CEP162: variants seen among roughly 807,000 people sequenced by gnomAD.
The protein encoded by CEP162 is centrosomal protein 162.
In CEP162, 141 loss-of-function variants were observed where a neutral mutation model predicts 169.2. That is an observed-to-expected ratio of 0.83 (90% confidence interval 0.73 to 0.96). CEP162 has a LOEUF of 0.96. Ranked by LOEUF, CEP162 falls within the 40% of genes least tolerant of loss-of-function variation. CEP162 has a pLI of 0.00. For missense variants in CEP162, 1,600 were observed against 1,587.2 expected (o/e 1.01, Z -0.14); for synonymous variants, 540 against 526.4 (o/e 1.03, Z -0.35).
chr6:84,178,921 T>G (rs999824766), intron 13 of CEP162, among the ~76,000 whole-genome samples: 1 of 152,208 alleles, frequency 6.6e-6, no homozygotes, highest in Non-Finnish European at 1.5e-5. Flanking sequence ...TTTGGTTTTT[T>G]GTCCTTGCGA....
At chr6:84,164,518 A>G (rs1269656314) in intron 18 of CEP162, among the ~76,000 whole-genome samples, 1 of 152,232 alleles carries the variant, frequency 6.6e-6, no homozygotes, top group East Asian at 1.9e-4. Flanking sequence ...ATGCAGCCAT[A>G]AAAAGGAATG....
intron 24 of CEP162, among the ~76,000 whole-genome samples, chr6:84,147,917 T>C (rs1399396053): frequency 6.6e-6 from 1 of 152,152 alleles, no homozygotes; most frequent in African/African-American, 2.4e-5. Flanking sequence ...TTATCTCTAA[T>C]GCTGTATTTT....
At chr6:84,162,636 C>T (rs1253864424) in intron 19 of CEP162, among the ~76,000 whole-genome samples, 1 of 152,132 alleles carries the variant, frequency 6.6e-6, no homozygotes, top group Non-Finnish European at 1.5e-5. Context: ...GCCACTCTGC[C>T]ACGAAACCCT....
intron 6 of CEP162, among the ~76,000 whole-genome samples, chr6:84,207,564 T>C (rs1213506484): frequency 3.8e-5 from 3 of 77,992 alleles, no homozygotes; most frequent in Non-Finnish European, 7.2e-5. Flanking sequence ...CTGAGGACTG[T>C]CATGGGGCGG....
intron 20 of CEP162, 124 bp downstream of exon 20, chr6:84,161,622 C>T (rs553723961): frequency 2.3e-5 from 17 of 737,650 alleles, no homozygotes; most frequent in African/African-American, 1.4e-4. Flanking sequence ...AGCAAACCAC[C>T]GATCTTAATT....
chr6:84,140,179 TTC>T (rs1219457656), intron 25 of CEP162, among the ~76,000 whole-genome samples: 8 of 152,158 alleles, frequency 5.3e-5, no homozygotes, highest in African/African-American at 1.9e-4. Flanking sequence ...ACAAGTGGTG[TTC>T]TCTTTGTTTG....
At chr6:84,191,857 G>A (rs977525448) in intron 11 of CEP162, among the ~76,000 whole-genome samples, 2 of 152,122 alleles carry the variant, frequency 1.3e-5, no homozygotes, top group Admixed American at 6.5e-5. Flanking sequence ...AGAAACAAAC[G>A]ACATTTCACA....
At chr6:84,179,053 T>G (rs1311153864) in intron 13 of CEP162, among the ~76,000 whole-genome samples, 4 of 152,214 alleles carry the variant, frequency 2.6e-5, no homozygotes, top group Non-Finnish European at 4.4e-5. Flanking sequence ...CTTAATCCAG[T>G]CTATCATTGA....
intron 20 of CEP162, among the ~76,000 whole-genome samples, chr6:84,161,129 C>T (rs2099525588): frequency 6.6e-6 from 1 of 152,024 alleles, no homozygotes; most frequent in Non-Finnish European, 1.5e-5. Context: ...AAACTAAGTC[C>T]CTGCTCCCAA....
rs962750553 is a variant in CEP162 at position 84,152,715 on chromosome 6, G to A, written c.3459C>T (p.Thr1153=). ...GTGGTTGGTACAGCTTGCTGTCCAG[G>A]GTTCCAGGGAAGGAGTTAGCATTTC... ...SKGNANSFPG[T]LDSKLYQPHT... The change falls in exon 23 of 27, where the codon ACC becomes ACT. Residue 1153 remains threonine, a synonymous_variant. Coordinates refer to ENST00000403245, the MANE Select transcript of CEP162 (RefSeq NM_014895.4). The A allele has an allele frequency of 1.9e-6, 3 of 1,613,034 alleles. No individual in the cohort carries two copies. In the African/African-American group the frequency reaches 4.0e-5, roughly 22 times the overall value.
intron 24 of CEP162, among the ~76,000 whole-genome samples, chr6:84,149,198 G>C (rs535874428): frequency 6.6e-6 from 1 of 152,046 alleles, no homozygotes; most frequent in African/African-American, 2.4e-5. Context: ...GCTGGGACTT[G>C]GGGACTCGGT....
chr6:84,203,261 T>C (rs2099545372), intron 7 of CEP162, among the ~76,000 whole-genome samples: 1 of 152,168 alleles, frequency 6.6e-6, no homozygotes, highest in African/African-American at 2.4e-5. Context: ...GCCAAGTAAG[T>C]TTCAGACGTT....
chr6:84,124,844 C>A lies in CEP162; in HGVS notation c.*226G>T. ...CCTTCTCTGCTATAAAGGAAACTGTCCATAAATCACTTAAAATGAGACTGG... is the reference window on the plus strand; with the variant it reads ...CCTTCTCTGCTATAAAGGAAACTGTACATAAATCACTTAAAATGAGACTGG... On this transcript the variant is annotated 3_prime_UTR_variant, in exon 27 of 27. Transcript: ENST00000403245. 1 of 538,480 alleles carries A rather than the reference C, an allele frequency of 1.9e-6. No homozygotes were observed. The highest frequency in any genetic ancestry group is 3.2e-6 in the Non-Finnish European group (1 of 311,212). The allele number at this position is 538,480 out of a possible 1,614,324, so 33.4% of individuals were successfully genotyped here.
rs2099521719 is a variant in CEP162 at position 84,152,979 on chromosome 6, A to G, written c.3195T>C (p.Asp1065=). The G allele has an allele frequency of 6.2e-7, 1 of 1,613,572 alleles. No homozygotes were observed. Among genetic ancestry groups the G allele is most frequent in the African/African-American group, 1.3e-5 (1 of 74,990 alleles). The change falls in exon 23 of 27, where the codon GAT becomes GAC. Residue 1065 remains aspartate, a synonymous_variant. Coordinates refer to ENST00000403245, the MANE Select transcript of CEP162 (RefSeq NM_014895.4). ...TAGACTGAAAATCTTCATCATCTTT[A>G]TCATTTTTCTTGACGTCTAATTCAG... ...QNAELDVKKN[D]KDDEDFQSIE... is the part of the protein sequence containing the mutation.
intron 23 of CEP162, among the ~76,000 whole-genome samples, chr6:84,151,619 C>T (rs1180756860): frequency 6.6e-6 from 1 of 152,006 alleles, no homozygotes; most frequent in Non-Finnish European, 1.5e-5. Flanking sequence ...AGTTTAGCAA[C>T]AGAGAAAGAA....
chr6:84,163,023 TA>T, intron 19 of CEP162, 120 bp downstream of exon 19: 2 of 971,214 alleles, frequency 2.1e-6, no homozygotes, highest in Non-Finnish European at 3.0e-6. Flanking sequence ...AAAATGTTTC[TA>T]AAATTACAAT....
At chr6:84,213,551 C>A (rs1387537266) in intron 5 of CEP162, among the ~76,000 whole-genome samples, 1 of 152,166 alleles carries the variant, frequency 6.6e-6, no homozygotes, top group Admixed American at 6.6e-5. Context: ...AGTTCATATA[C>A]TGCTTTCTCT....
chr6:84,190,762 G>A (rs540744842), intron 11 of CEP162, among the ~76,000 whole-genome samples: 3 of 152,222 alleles, frequency 2.0e-5, no homozygotes, highest in African/African-American at 4.8e-5. Context: ...GCGAGCGTCC[G>A]CGGCTTCATT....
rs374584686 is a variant in CEP162, at chr6:84,221,146, G to A, written c.83C>T (p.Ser28Leu). The change falls in exon 3 of 27, where the codon TCA becomes TTA. Residue 28 changes from serine to leucine, a missense_variant. Physicochemically the swap from Ser to Leu is moderately radical, Grantham distance 145. Coordinates refer to ENST00000403245, the MANE Select transcript of CEP162 (RefSeq NM_014895.4). The stretch of plus-strand genomic sequence containing the variant: ...TTTAGATTGTCTAGCTGTTTTGTCT[G>A]AATTTTCAAAAGAATCATCTGAAAG... ...KELSDDSFENSDKTARQSKKE... is the reference protein window; with the variant it reads ...KELSDDSFENLDKTARQSKKE... 21 of 1,583,088 alleles carry A rather than the reference G, an allele frequency of 1.3e-5. No homozygotes were observed. In the African/African-American group the frequency reaches 2.6e-4, roughly 19 times the overall value.
Sources: gnomAD v4.1 joint callset for allele counts (sites outside exome capture counted in the v4.1 genomes callset) on GRCh38, gnomAD v4.1.1 for gene constraint, MANE v1.5 for transcripts, NCBI Gene and HGNC (gene_info 2026-07-23, HGNC 2026-07-21) for gene names.